Variants in LRCH1 observed in about 807,000 individuals in gnomAD.
LRCH1 encodes leucine rich repeats and calponin homology domain containing 1.
LRCH1 carries 23 observed loss-of-function variants against 94.9 expected under a neutral mutation model. The ratio of observed to expected loss-of-function variants is 0.24; its 90% CI spans 0.17 to 0.34. The LOEUF is 0.34. Among genes scored for constraint, LRCH1 ranks in the 10% least tolerant of loss-of-function variants. The pLI is 1.00. For synonymous variants in LRCH1, 364 were observed against 354.9 expected (o/e 1.03, Z -0.29); for missense variants, 790 against 945.9 (o/e 0.84, Z 2.16).
intron 1 of LRCH1, among the ~76,000 whole-genome samples, chr13:46,622,251 T>C (rs1479483527): frequency 2.6e-5 from 4 of 152,092 alleles, no homozygotes; most frequent in Non-Finnish European, 4.4e-5. Flanking sequence ...TGAATTCCAG[T>C]TGGCCAACCA....
At chr13:46,588,883 G>T (rs2137957587) in intron 1 of LRCH1, among the ~76,000 whole-genome samples, 1 of 152,148 alleles carries the variant, frequency 6.6e-6, no homozygotes, top group East Asian at 1.9e-4. Context: ...GATTATAGGT[G>T]TGAGCAACCG....
intron 1 of LRCH1, among the ~76,000 whole-genome samples, chr13:46,580,393 G>A (rs182062363): frequency 6.6e-6 from 1 of 152,222 alleles, no homozygotes; most frequent in East Asian, 1.9e-4. Flanking sequence ...TTATCCAAAG[G>A]GTAATTTGCA....
intron 2 of LRCH1, among the ~76,000 whole-genome samples, chr13:46,660,992 A>G (rs2051440909): frequency 6.6e-6 from 1 of 152,150 alleles, no homozygotes; most frequent in East Asian, 1.9e-4. Context: ...CCAGCACCCC[A>G]GGTCAGAATC....
intron 1 of LRCH1, among the ~76,000 whole-genome samples, chr13:46,645,748 C>T (rs1469017354): frequency 6.6e-6 from 1 of 151,990 alleles, no homozygotes; most frequent in Admixed American, 6.6e-5. Context: ...TTAAAAGGTT[C>T]GTAGCTATGT....
intron 1 of LRCH1, among the ~76,000 whole-genome samples, chr13:46,612,913 G>A (rs1158324758): frequency 2.6e-5 from 4 of 152,108 alleles, no homozygotes; most frequent in Non-Finnish European, 5.9e-5. Context: ...ACCTATTGAA[G>A]TCACAGAATG....
intron 1 of LRCH1, among the ~76,000 whole-genome samples, chr13:46,573,098 A>G (rs192647526): frequency 1.7e-4 from 26 of 152,314 alleles, no homozygotes; most frequent in Non-Finnish European, 1.9e-4. Flanking sequence ...CATTCAATAC[A>G]TGTTAACTCT....
intron 2 of LRCH1, among the ~76,000 whole-genome samples, chr13:46,653,413 A>T (rs770577468): frequency 3.3e-5 from 5 of 152,232 alleles, no homozygotes; most frequent in Non-Finnish European, 5.9e-5. Flanking sequence ...TATTGTATAA[A>T]GATATAAAAA....
chr13:46,712,280 G>T (rs1438488844), intron 14 of LRCH1, among the ~76,000 whole-genome samples: 49 of 152,168 alleles, frequency 3.2e-4, no homozygotes, highest in Admixed American at 3.1e-3. Flanking sequence ...CCAGTGTCAC[G>T]TAATTGTAAA....
chr13:46,658,866 T>A (rs752189236), intron 2 of LRCH1, among the ~76,000 whole-genome samples: 1 of 152,256 alleles, frequency 6.6e-6, no homozygotes, highest in African/African-American at 2.4e-5. Flanking sequence ...ATTATCTGTT[T>A]GAAATAGATT....
intron 3 of LRCH1, among the ~76,000 whole-genome samples, chr13:46,678,189 G>A (rs1054515066): frequency 6.6e-6 from 1 of 152,168 alleles, no homozygotes; most frequent in African/African-American, 2.4e-5. Context: ...GAACAAAAGT[G>A]TTCTAGAGAA....
At chr13:46,667,358 T>TA (rs913212110) in intron 2 of LRCH1, among the ~76,000 whole-genome samples, 5 of 152,138 alleles carry the variant, frequency 3.3e-5, no homozygotes, top group Admixed American at 6.5e-5. Context: ...TGCTCCCTCA[T>TA]ATGGAGGAGA....
rs1376622247 is a variant in LRCH1 at position 46,743,665 on chromosome 13, G to A, written c.*1817G>A. On this transcript the variant is annotated 3_prime_UTR_variant, in exon 20 of 20. Coordinates refer to ENST00000389797, the MANE Select transcript of LRCH1 (RefSeq NM_001164211.2). Reference sequence around the variant, plus strand: ...CTCAGCATTCCCATCCAGCTCTGCAGTGCATTGAGGCTTCTCTTTAATGGT... The same window carrying A: ...CTCAGCATTCCCATCCAGCTCTGCAATGCATTGAGGCTTCTCTTTAATGGT... 1.0e-6 allele frequency: 1 copy of A among 985,140 alleles called. No individual in the cohort carries two copies. Among genetic ancestry groups the A allele is most frequent in the African/African-American group, 1.7e-5 (1 of 57,170 alleles). 61.0% of individuals were successfully genotyped at this position (985,140 alleles called of 1,614,324 possible).
chr13:46,657,999 A>G (rs1209200622), intron 2 of LRCH1, among the ~76,000 whole-genome samples: 1 of 152,156 alleles, frequency 6.6e-6, no homozygotes, highest in African/African-American at 2.4e-5. Flanking sequence ...TTGACATTTT[A>G]TAGGTCACTA....
At chr13:46,626,557 C>T (rs1367964898) in intron 1 of LRCH1, among the ~76,000 whole-genome samples, 3 of 152,162 alleles carry the variant, frequency 2.0e-5, no homozygotes, top group Admixed American at 1.3e-4. Flanking sequence ...AACTTCACCG[C>T]CTATCCCAAA....
intron 19 of LRCH1, among the ~76,000 whole-genome samples, chr13:46,738,025 G>GT (rs1444574326): frequency 6.6e-6 from 1 of 152,160 alleles, no homozygotes; most frequent in Non-Finnish European, 1.5e-5. Context: ...GAGATCCTTA[G>GT]TTTAACAGAC....
chr13:46,679,884 A>G (rs896260007), intron 3 of LRCH1: 1 of 152,262 alleles, frequency 6.6e-6, no homozygotes, highest in African/African-American at 2.4e-5. Flanking sequence ...AGGTTGATAG[A>G]TCACCTGAAG....
At chr13:46,677,096 A>G (rs528531404) in intron 3 of LRCH1, among the ~76,000 whole-genome samples, 10 of 152,134 alleles carry the variant, frequency 6.6e-5, no homozygotes, top group African/African-American at 2.4e-4. Context: ...GGTTTTCACT[A>G]GACATCATTC....
intron 1 of LRCH1, among the ~76,000 whole-genome samples, chr13:46,586,180 A>C (rs575170098): frequency 6.6e-6 from 1 of 152,300 alleles, no homozygotes; most frequent in Non-Finnish European, 1.5e-5. Flanking sequence ...ACACAAAGTA[A>C]ATGATTGCAA....
At chr13:46,564,452 C>T (rs1471472778) in intron 1 of LRCH1, among the ~76,000 whole-genome samples, 1 of 152,182 alleles carries the variant, frequency 6.6e-6, no homozygotes, top group Non-Finnish European at 1.5e-5. Flanking sequence ...TGAATGAGGC[C>T]CCTGCCTCTT....
Sources: allele counts gnomAD v4.1 joint callset (sites outside exome capture counted in the v4.1 genomes callset), GRCh38; gene constraint gnomAD v4.1.1; transcripts MANE v1.5; gene names NCBI Gene and HGNC (gene_info 2026-07-23, HGNC 2026-07-21).